The following HSD17B2 variants were observed in gnomAD, a reference collection of about 807,000 sequenced individuals.
HSD17B2 encodes the protein hydroxysteroid 17-beta dehydrogenase 2.
HSD17B2 carries 32 observed loss-of-function variants against 26.9 expected under a neutral mutation model. The ratio of observed to expected loss-of-function variants is 1.19; its 90% CI spans 0.90 to 1.60. The LOEUF (loss-of-function observed/expected upper bound fraction) is 1.60. HSD17B2 is among the 40% of genes most tolerant of loss of function. HSD17B2 has a pLI of 0.00. For missense variants in HSD17B2, 613 were observed against 468.6 expected, an observed-to-expected ratio of 1.31 and a Z score of -2.85; for synonymous variants, 246 against 186.7, an observed-to-expected ratio of 1.32 and a Z score of -2.59.
chr16:82,071,473 C>CA, intron 3 of HSD17B2: 1 of 376,344 alleles, frequency 2.7e-6, no homozygotes, highest in South Asian at 2.2e-5. Context: ...CTGTTTTCAA[C>CA]ACTTCGTCAA....
intron 4 of HSD17B2, chr16:82,093,834 G>A (rs1597140895): frequency 6.6e-6 from 1 of 152,212 alleles, no homozygotes; most frequent in African/African-American, 2.4e-5. Context: ...TTCTAGACAA[G>A]GAGTGGATTA....
chr16:82,071,171 A>T (rs767537488), intron 3 of HSD17B2, 44 bp downstream of exon 3: 2 of 1,577,004 alleles, frequency 1.3e-6, no homozygotes, highest in Non-Finnish European at 1.7e-6. Context: ...GCCCATCACA[A>T]GACATGGCTC....
chr16:82,050,057 T>C (rs1914060414), intron 1 of HSD17B2, among the ~76,000 whole-genome samples: 1 of 152,224 alleles, frequency 6.6e-6, no homozygotes, highest in Non-Finnish European at 1.5e-5. Flanking sequence ...AGCGCCTCCG[T>C]CCCAGGTGAA....
intron 4 of HSD17B2, chr16:82,095,862 A>T (rs1904824039): frequency 6.6e-6 from 1 of 152,240 alleles, no homozygotes; most frequent in African/African-American, 2.4e-5. Context: ...TGGTAAAAAA[A>T]ATTAAACCAA....
At position 82,098,460 on chromosome 16, in the gene HSD17B2, C is replaced by T. The variant is rs750500017; in HGVS notation, c.*24C>T. 5.7e-5 allele frequency: 89 copies of T among 1,561,686 alleles called. No individual in the cohort carries two copies. Among genetic ancestry groups the T allele is most frequent in the South Asian group, 1.3e-4 (11 of 81,964 alleles). ...AGGCAATGGAAGCCCTCAAAGAAGT[C>T]GGAATGTCATAGTCTTGAAATGAAA... On this transcript the variant is annotated 3_prime_UTR_variant, in exon 5 of 5. Coordinates refer to ENST00000199936, the MANE Select transcript of HSD17B2 (RefSeq NM_002153.3).
intron 1 of HSD17B2, among the ~76,000 whole-genome samples, chr16:82,041,543 T>A (rs1913765867): frequency 6.6e-6 from 1 of 152,238 alleles, no homozygotes; most frequent in South Asian, 2.1e-4. Context: ...AAATAGAACA[T>A]CCACTGGCTT....
chr16:82,081,144 A>T (rs1412305652), intron 3 of HSD17B2, among the ~76,000 whole-genome samples: 1 of 152,114 alleles, frequency 6.6e-6, no homozygotes, highest in African/African-American at 2.4e-5. Context: ...AAGCACTTCC[A>T]TTGGATCTGC....
rs750694420 is a variant in HSD17B2, at chr16:82,035,433, T to A, written c.9T>A (p.Thr3=). ...GCAGCAAGTCACTGAGAATGAGCAC[T>A]TTCTTCTCGGACACAGCATGGATCT... The part of the protein sequence containing the change: MS[T]FFSDTAWICL... The change falls in exon 1 of 5, where the codon ACT becomes ACA. Residue 3 remains threonine, a synonymous_variant. Transcript: ENST00000199936. The A allele has an allele frequency of 5.6e-6, 9 of 1,610,890 alleles. No individual in the cohort carries two copies. Among genetic ancestry groups the A allele is most frequent in the Non-Finnish European group, 6.8e-6 (8 of 1,177,898 alleles).
intron 3 of HSD17B2, among the ~76,000 whole-genome samples, chr16:82,081,618 G>C (rs1259206417): frequency 1.3e-5 from 2 of 152,168 alleles, no homozygotes; most frequent in African/African-American, 4.8e-5. Context: ...TGACCACATA[G>C]GAGCGTTCTG....
chr16:82,089,424 T>C (rs1356837167), intron 3 of HSD17B2, among the ~76,000 whole-genome samples: 4 of 152,186 alleles, frequency 2.6e-5, no homozygotes, highest in Non-Finnish European at 2.9e-5. Flanking sequence ...CCTGTTGTTA[T>C]GGGTCTAGTC....
intron 3 of HSD17B2, among the ~76,000 whole-genome samples, chr16:82,085,788 T>G (rs62046327): frequency 0.28 from 41,931 of 151,910 alleles, 6,553 homozygotes; most frequent in Non-Finnish European, 0.36. Context: ...TTGGCGGTAC[T>G]AATCCCCGGA....
At chr16:82,087,335 G>A (rs1904556370) in intron 3 of HSD17B2, among the ~76,000 whole-genome samples, 1 of 152,134 alleles carries the variant, frequency 6.6e-6, no homozygotes. Flanking sequence ...AAAATTAGAG[G>A]CTGTAACTGG....
At chr16:82,070,216 AC>A (rs972617752) in intron 2 of HSD17B2, among the ~76,000 whole-genome samples, 1 of 151,724 alleles carries the variant, frequency 6.6e-6, no homozygotes, top group African/African-American at 2.4e-5. Flanking sequence ...CTACCACCTA[AC>A]CAGTCATTCA....
intron 1 of HSD17B2, among the ~76,000 whole-genome samples, chr16:82,053,625 C>T (rs929180393): frequency 2.6e-5 from 4 of 152,142 alleles, no homozygotes; most frequent in African/African-American, 9.7e-5. Context: ...ACCATTGTAC[C>T]TGTAGCACCT....
chr16:82,079,070 T>C (rs924367365), intron 3 of HSD17B2, among the ~76,000 whole-genome samples: 1 of 152,260 alleles, frequency 6.6e-6, no homozygotes, highest in African/African-American at 2.4e-5. Context: ...CTTAAGGTGA[T>C]GGAGACTCCA....
intron 3 of HSD17B2, among the ~76,000 whole-genome samples, chr16:82,088,603 T>C (rs9934783): frequency 6.6e-6 from 1 of 152,202 alleles, no homozygotes; most frequent in Non-Finnish European, 1.5e-5. Context: ...CCCCACGAAC[T>C]GGGATTGCCA....
At chr16:82,060,444 G>A (rs975622749) in intron 1 of HSD17B2, among the ~76,000 whole-genome samples, 4 of 152,188 alleles carry the variant, frequency 2.6e-5, no homozygotes, top group African/African-American at 9.7e-5. Context: ...GGGGAGCCCC[G>A]GAGGTCCTCA....
chr16:82,057,182 TC>T (rs1445029213), intron 1 of HSD17B2, among the ~76,000 whole-genome samples: 2 of 150,932 alleles, frequency 1.3e-5, no homozygotes, highest in Non-Finnish European at 2.9e-5. Flanking sequence ...AGAGCATAAC[TC>T]CCCACTTTCT....
At position 82,068,388 on chromosome 16, in the gene HSD17B2, G is replaced by T. The variant is rs1914622838; in HGVS notation, c.478+6G>T. The T allele has an allele frequency of 1.9e-6, 3 of 1,606,196 alleles. No homozygotes were observed. Among genetic ancestry groups the T allele is most frequent in the Non-Finnish European group, 1.7e-6 (2 of 1,176,748 alleles). On this transcript the variant is annotated splice_donor_region_variant and intron_variant, in intron 2 of 4. Coordinates refer to ENST00000199936, the MANE Select transcript of HSD17B2 (RefSeq NM_002153.3). ...AGCAATGCTGCAGGACAGAGGTACT[G>T]CCGCCAGCACCCTCAGTGCCTTTAC...
Sources: gnomAD v4.1 joint callset for allele counts (sites outside exome capture counted in the v4.1 genomes callset) on GRCh38, gnomAD v4.1.1 for gene constraint, MANE v1.5 for transcripts, NCBI Gene and HGNC (gene_info 2026-07-23, HGNC 2026-07-21) for gene names.